TNRC6B: variants seen among roughly 807,000 people sequenced by gnomAD.
TNRC6B encodes trinucleotide repeat containing adaptor 6B.
Under a neutral mutation model 203.6 loss-of-function variants are expected in TNRC6B, and 52 were observed. The ratio of observed to expected loss-of-function variants is 0.26; its 90% CI spans 0.20 to 0.32. The LOEUF (loss-of-function observed/expected upper bound fraction) is 0.32. Among genes scored for constraint, TNRC6B ranks in the 10% least tolerant of loss-of-function variants. The pLI is 1.00. For synonymous variants in TNRC6B, 838 were observed against 845.7 expected (o/e 0.99, Z 0.16); for missense variants, 1,923 against 2,286.2 (o/e 0.84, Z 3.24).
chr22:40,294,369 G>T (rs552472565), intron 12 of TNRC6B, among the ~76,000 whole-genome samples: 2 of 152,084 alleles, frequency 1.3e-5, no homozygotes, highest in African/African-American at 4.8e-5. Flanking sequence ...ATGTTCTCCC[G>T]TATGTGTCTC....
intron 12 of TNRC6B, among the ~76,000 whole-genome samples, chr22:40,287,148 T>C (rs2070796145): frequency 6.6e-6 from 1 of 152,018 alleles, no homozygotes; most frequent in African/African-American, 2.4e-5. Context: ...AGCTGGGGAC[T>C]ACAGATGCAC....
At chr22:40,181,266 G>C (rs898068006) in intron 1 of TNRC6B, among the ~76,000 whole-genome samples, 3 of 152,172 alleles carry the variant, frequency 2.0e-5, no homozygotes, top group Non-Finnish European at 4.4e-5. Context: ...GTTATGCGAT[G>C]ATGAGACCTT....
At chr22:40,310,424 C>A (rs1331803498) in intron 16 of TNRC6B, among the ~76,000 whole-genome samples, 1 of 152,212 alleles carries the variant, frequency 6.6e-6, no homozygotes, top group African/African-American at 2.4e-5. Flanking sequence ...TTAAAACCTT[C>A]TTATGTGCTA....
intron 1 of TNRC6B, among the ~76,000 whole-genome samples, chr22:40,224,591 A>G (rs1455324252): frequency 1.3e-5 from 2 of 152,156 alleles, no homozygotes; most frequent in Admixed American, 6.5e-5. Context: ...TGTAGCTGTC[A>G]TTTGTTTATG....
In TNRC6B at chr22:40,281,866, T is replaced by C. The variant is rs1248554646; in HGVS notation, c.3582+577T>C. ...GTGTTTCATTGCACCTGGGGTTGGA[T>C]CTGGCAACCCTCCAGGGAAGGGCTG... On this transcript the variant is annotated intron_variant, in intron 11 of 22. Transcript: ENST00000454349. 3.9e-5 allele frequency among the ~76,000 whole-genome samples: 6 copies of C among 152,294 alleles called. No homozygotes were observed. In the East Asian group the frequency reaches 7.7e-4, roughly 20 times the overall value.
intron 1 of TNRC6B, among the ~76,000 whole-genome samples, chr22:40,097,900 A>G (rs2146302028): frequency 6.6e-6 from 1 of 152,142 alleles, no homozygotes; most frequent in Admixed American, 6.5e-5. Flanking sequence ...GCTAGCCTCA[A>G]AATCCTGAGC....
chr22:40,075,156 A>ATATATATATATTTTTTTT, intron 1 of TNRC6B, among the ~76,000 whole-genome samples: 1 of 35,558 alleles, frequency 2.8e-5, no homozygotes, highest in African/African-American at 1.0e-4. Context: ...ATATATATAT[A>ATATATATATATTTTTTTT]TTTTTTTTTT....
chr22:40,141,735 C>T (rs141198462), intron 3 of TNRC6B, among the ~76,000 whole-genome samples: 10 of 152,020 alleles, frequency 6.6e-5, no homozygotes, highest in Admixed American at 3.3e-4. Flanking sequence ...ATAGAGATCC[C>T]AGGTCCCAGC....
intron 1 of TNRC6B, among the ~76,000 whole-genome samples, chr22:40,063,642 C>G (rs911317671): frequency 4.0e-5 from 6 of 151,856 alleles, no homozygotes; most frequent in Admixed American, 3.9e-4. Flanking sequence ...TAAATTTATT[C>G]CTAAGAGTTT....
At chr22:40,233,113 C>T (rs889187899) in intron 1 of TNRC6B, among the ~76,000 whole-genome samples, 9 of 151,240 alleles carry the variant, frequency 6.0e-5, no homozygotes, top group Non-Finnish European at 1.2e-4. Context: ...TGCTGCACTC[C>T]AGCCTAGCAA....
At chr22:40,273,232 T>G (rs965377786) in intron 6 of TNRC6B, among the ~76,000 whole-genome samples, 193 bp from the exon 7 acceptor site, 2 of 152,242 alleles carry the variant, frequency 1.3e-5, no homozygotes, top group African/African-American at 4.8e-5. Context: ...TTGTTAACTT[T>G]CTGTGTATCA....
chr22:40,089,350 A>C (rs2068129389), intron 1 of TNRC6B, among the ~76,000 whole-genome samples: 1 of 151,906 alleles, frequency 6.6e-6, no homozygotes, highest in Non-Finnish European at 1.5e-5. Flanking sequence ...CTCTTGCCTC[A>C]GCCTCCCCGG....
intron 1 of TNRC6B, among the ~76,000 whole-genome samples, chr22:40,100,547 T>TA (rs796653954): frequency 1.5e-4 from 22 of 149,074 alleles, no homozygotes; most frequent in South Asian, 6.3e-4. Context: ...TCAGGCTAAT[T>TA]AAAAAAAAAA....
intron 1 of TNRC6B, among the ~76,000 whole-genome samples, chr22:40,190,063 G>A (rs767539195): frequency 5.3e-5 from 8 of 152,250 alleles, no homozygotes; most frequent in Non-Finnish European, 1.2e-4. Flanking sequence ...CCTAATTATA[G>A]ACCATCTCTT....
At chr22:40,316,333 G>A (rs1324407769) in intron 21 of TNRC6B, among the ~76,000 whole-genome samples, 3 of 148,124 alleles carry the variant, frequency 2.0e-5, no homozygotes, top group African/African-American at 7.5e-5. Context: ...CAGCCTGGGC[G>A]ACAGAGTGAG....
intron 1 of TNRC6B, among the ~76,000 whole-genome samples, chr22:40,238,059 C>A (rs763544017): frequency 7.9e-5 from 12 of 152,082 alleles, no homozygotes; most frequent in Non-Finnish European, 1.8e-4. Flanking sequence ...CGCATCTCCC[C>A]CGGGAGGGTA....
At chr22:40,257,786 G>A (rs1169897151) in intron 3 of TNRC6B, among the ~76,000 whole-genome samples, 1 of 152,148 alleles carries the variant, frequency 6.6e-6, no homozygotes, top group Non-Finnish European at 1.5e-5. Context: ...ACTTTGGGAG[G>A]CTGAGGCGGG....
At chr22:40,200,592 A>G (rs963873898) in intron 1 of TNRC6B, among the ~76,000 whole-genome samples, 2 of 152,060 alleles carry the variant, frequency 1.3e-5, no homozygotes, top group Admixed American at 6.6e-5. Context: ...CCGGCTAAAA[A>G]GTAATATTCT....
intron 2 of TNRC6B, among the ~76,000 whole-genome samples, chr22:40,121,201 G>A (rs1394178700): frequency 6.6e-6 from 1 of 151,940 alleles, no homozygotes; most frequent in African/African-American, 2.4e-5. Context: ...GGTTATGCCA[G>A]TCTTCCTTCC....
Sources: allele counts gnomAD v4.1 joint callset (sites outside exome capture counted in the v4.1 genomes callset), GRCh38; gene constraint gnomAD v4.1.1; transcripts MANE v1.5; gene names NCBI Gene and HGNC (gene_info 2026-07-23, HGNC 2026-07-21).